The following NFAT5 variants were observed in gnomAD, a reference collection of about 807,000 sequenced individuals.
NFAT5 encodes nuclear factor of activated T-cells 5.
Under a neutral mutation model 166.5 loss-of-function variants are expected in NFAT5, and 31 were observed. The observed-to-expected ratio is 0.19, with a 90% CI of 0.14 to 0.25. The LOEUF (loss-of-function observed/expected upper bound fraction) is 0.25. Ranked by LOEUF, NFAT5 falls within the 10% of genes least tolerant of loss-of-function variation. NFAT5 has a pLI of 1.00. For missense variants in NFAT5, 1,449 were observed against 1,821.8 expected (o/e 0.80, Z 3.72); for synonymous variants, 612 against 639.7 (o/e 0.96, Z 0.65).
chr16:69,576,453 C>A (rs1021262985), intron 2 of NFAT5, among the ~76,000 whole-genome samples: 1 of 152,058 alleles, frequency 6.6e-6, no homozygotes, highest in Admixed American at 6.6e-5. Context: ...AAACTACATA[C>A]AAAAATTCAT....
chr16:69,640,019 A>G (rs543500712), intron 3 of NFAT5, among the ~76,000 whole-genome samples: 1 of 152,360 alleles, frequency 6.6e-6, no homozygotes, highest in East Asian at 1.9e-4. Flanking sequence ...TGGGAGATTG[A>G]AACTGTTTTA....
chr16:69,630,473 C>T (rs1222222114), intron 3 of NFAT5, among the ~76,000 whole-genome samples: 1 of 152,148 alleles, frequency 6.6e-6, no homozygotes, highest in Non-Finnish European at 1.5e-5. Flanking sequence ...ACTGGGCCCT[C>T]CTCCTCATTT....
intron 4 of NFAT5, among the ~76,000 whole-genome samples, chr16:69,651,414 C>T (rs2035659817): frequency 6.6e-6 from 1 of 152,134 alleles, no homozygotes; most frequent in South Asian, 2.1e-4. Flanking sequence ...GAAGATAGTG[C>T]CTTTCCTCAC....
chr16:69,660,044 G>T, intron 7 of NFAT5, 145 bp downstream of exon 7: 1 of 666,638 alleles, frequency 1.5e-6, no homozygotes, highest in Non-Finnish European at 2.4e-6. Context: ...GCAGTAGTCA[G>T]ATTTTCTAGA....
chr16:69,576,082 C>T (rs1414605813), intron 2 of NFAT5, among the ~76,000 whole-genome samples: 1 of 151,576 alleles, frequency 6.6e-6, no homozygotes, highest in African/African-American at 2.4e-5. Context: ...GTGGGCGGAT[C>T]ACGAGGTCAG....
At chr16:69,603,472 T>C (rs1481834948) in intron 2 of NFAT5, among the ~76,000 whole-genome samples, 1 of 152,140 alleles carries the variant, frequency 6.6e-6, no homozygotes, top group Non-Finnish European at 1.5e-5. Flanking sequence ...AAATAGAACA[T>C]ATCAGCCAGG....
intron 3 of NFAT5, among the ~76,000 whole-genome samples, chr16:69,645,190 G>T (rs1165668280): frequency 6.6e-6 from 1 of 152,118 alleles, no homozygotes; most frequent in Non-Finnish European, 1.5e-5. Flanking sequence ...TATAGATTTC[G>T]TAGTTTTTAC....
chr16:69,594,502 T>C (rs970296757), intron 2 of NFAT5, among the ~76,000 whole-genome samples: 3 of 152,206 alleles, frequency 2.0e-5, no homozygotes, highest in East Asian at 1.9e-4. Flanking sequence ...CTGAATATTA[T>C]CCATTTTCCC....
At chr16:69,688,802 C>G (rs993585346) in intron 11 of NFAT5, among the ~76,000 whole-genome samples, 1 of 152,204 alleles carries the variant, frequency 6.6e-6, no homozygotes, top group African/African-American at 2.4e-5. Flanking sequence ...CAGGTGATAA[C>G]AACATCTGCC....
intron 10 of NFAT5, among the ~76,000 whole-genome samples, chr16:69,679,129 C>CCATG (rs2036951201): frequency 6.6e-6 from 1 of 151,972 alleles, no homozygotes; most frequent in African/African-American, 2.4e-5. Flanking sequence ...CAGGGTTTTG[C>CCATG]CATGTTGGCC....
Position 69,695,149 on chromosome 16 carries a change from T to C in NFAT5, c.4428T>C (p.Leu1476=). The change falls in exon 14 of 15, where the codon CTT becomes CTC. Residue 1476 remains leucine, a synonymous_variant. Transcript: ENST00000349945. ...ATGTCTCTGCAGACTGTAGTCAGCTTTTAACCTCTGGACCAGCTACATTGC... is the reference window on the plus strand; with the variant it reads ...ATGTCTCTGCAGACTGTAGTCAGCTCTTAACCTCTGGACCAGCTACATTGC... ...LFGIQNNCSQ[L]LTSGPATLPD... is the part of the protein sequence containing the mutation. 6.2e-7 allele frequency: 1 copy of C among 1,614,134 alleles called. No individual in the cohort carries two copies. The highest frequency in any genetic ancestry group is 8.5e-7 in the Non-Finnish European group (1 of 1,179,978).
Position 69,635,527 on chromosome 16 carries a change from C to A in NFAT5, c.253+8999C>A, listed in dbSNP as rs141212499. 2.2e-3 allele frequency among the ~76,000 whole-genome samples: 335 copies of A among 152,072 alleles called. 3 individuals carry two copies. Among genetic ancestry groups the A allele is most frequent in the African/African-American group, 7.7e-3 (318 of 41,452 alleles). ...TCTCTCAGTGGGAATCTGCATTGGTCTGTTTTCACACTGCTGATAAAGACA... is the reference window on the plus strand; with the variant it reads ...TCTCTCAGTGGGAATCTGCATTGGTATGTTTTCACACTGCTGATAAAGACA... On this transcript the variant is annotated intron_variant, in intron 3 of 14. Transcript: ENST00000349945.
intron 9 of NFAT5, among the ~76,000 whole-genome samples, chr16:69,670,624 A>T (rs72783116): frequency 0.05 from 7,626 of 152,294 alleles, 249 homozygotes; most frequent in Middle Eastern, 0.11. Context: ...ATTTATTGAG[A>T]ATCTGTTATG....
intron 2 of NFAT5, among the ~76,000 whole-genome samples, chr16:69,577,982 C>A (rs2016853093): frequency 7.0e-6 from 1 of 143,588 alleles, no homozygotes; most frequent in Admixed American, 7.1e-5. Context: ...GACAGTGAGA[C>A]CCTGTGTCAA....
At chr16:69,628,620 A>T (rs2034571234) in intron 3 of NFAT5, among the ~76,000 whole-genome samples, 1 of 152,248 alleles carries the variant, frequency 6.6e-6, no homozygotes, top group Admixed American at 6.5e-5. Context: ...CATTAGAATT[A>T]TATTTTTATT....
rs143561858 is a variant in NFAT5, at chr16:69,636,402, A to G, written c.253+9874A>G. Among the ~76,000 whole-genome samples, 339 of 152,290 alleles carry G rather than the reference A, an allele frequency of 2.2e-3. 2 individuals are homozygous for G. The highest frequency in any genetic ancestry group is 5.8e-3 in the South Asian group (28 of 4,832). On this transcript the variant is annotated intron_variant, in intron 3 of 14. Transcript: ENST00000349945. ...ACATTGGCCCTCTCCTCACAGCTCC[A>G]TTACATAGTACCCAGTACGGACTCT...
At chr16:69,589,734 A>G (rs904271678) in intron 2 of NFAT5, among the ~76,000 whole-genome samples, 3 of 152,088 alleles carry the variant, frequency 2.0e-5, no homozygotes, top group African/African-American at 7.2e-5. Flanking sequence ...AGAAATCCTC[A>G]TTTTTTTGCT....
chr16:69,612,493 T>C (rs974063210), intron 2 of NFAT5, among the ~76,000 whole-genome samples: 51 of 152,216 alleles, frequency 3.4e-4, no homozygotes, highest in African/African-American at 1.2e-3. Context: ...GATGAGATCA[T>C]GGGCAAGTTG....
intron 2 of NFAT5, among the ~76,000 whole-genome samples, chr16:69,573,210 G>T (rs2016542495): frequency 6.6e-6 from 1 of 152,156 alleles, no homozygotes; most frequent in Admixed American, 6.5e-5. Context: ...ATATGACAAT[G>T]AGTTAAGAGA....
Sources: gnomAD v4.1 joint callset for allele counts (sites outside exome capture counted in the v4.1 genomes callset) on GRCh38, gnomAD v4.1.1 for gene constraint, MANE v1.5 for transcripts, NCBI Gene and HGNC (gene_info 2026-07-23, HGNC 2026-07-21) for gene names.